Variants in HIPK3 observed in about 807,000 individuals in gnomAD.
HIPK3 encodes the protein homeodomain interacting protein kinase 3.
HIPK3 carries 47 observed loss-of-function variants against 124.2 expected under a neutral mutation model. The ratio of observed to expected loss-of-function variants is 0.38; its 90% CI spans 0.30 to 0.48. HIPK3 has a LOEUF of 0.48. HIPK3 is among the 20% of genes least tolerant of loss of function. The pLI is 0.98. For missense variants in HIPK3, 1,286 were observed against 1,454.3 expected (o/e 0.88, Z 1.88); for synonymous variants, 482 against 515.2 (o/e 0.94, Z 0.87).
chr11:33,341,084 C>T lies in HIPK3; in HGVS notation c.1730C>T (p.Thr577Ile), dbSNP rs561360873. ...CCAGTTGCTTCAAGCAGTACTGCTACACTGACTGCAAATTTTACTAAAATC... is the reference window on the plus strand; with the variant it reads ...CCAGTTGCTTCAAGCAGTACTGCTATACTGACTGCAAATTTTACTAAAATC... The part of the protein sequence containing the change: ...LRPVASSSTA[T>I]LTANFTKIGT... The change falls in exon 7 of 17, where the codon ACA becomes ATA. Residue 577 changes from threonine to isoleucine, a missense_variant. This residue lies in a region of HIPK3 where 810 missense variants were observed against 864.9 expected (regional missense o/e 0.94). Transcript: ENST00000303296. 2 of 1,602,232 alleles carry T rather than the reference C, an allele frequency of 1.2e-6. No individual in the cohort carries two copies. Among genetic ancestry groups the T allele is most frequent in the African/African-American group, 1.3e-5 (1 of 74,500 alleles).
intron 2 of HIPK3, among the ~76,000 whole-genome samples, chr11:33,316,677 G>A (rs1852512318): frequency 1.3e-5 from 2 of 152,100 alleles, no homozygotes; most frequent in African/African-American, 4.8e-5. Context: ...AAAACCATTA[G>A]CTGGGCATGG....
At chr11:33,259,078 A>C (rs143161937) in intron 1 of HIPK3, among the ~76,000 whole-genome samples, 2 of 152,234 alleles carry the variant, frequency 1.3e-5, no homozygotes, top group African/African-American at 4.8e-5. Flanking sequence ...AGATCTGCTG[A>C]CACTTTTTCC....
intron 13 of HIPK3, 37 bp downstream of exon 13, chr11:33,348,855 T>C (rs1415550794): frequency 5.7e-6 from 9 of 1,568,120 alleles, no homozygotes; most frequent in Non-Finnish European, 7.8e-6. Context: ...AGGATATAGA[T>C]GGCATCCTTT....
chr11:33,341,093 C>T lies in HIPK3; in HGVS notation c.1739C>T (p.Ala580Val). The T allele has an allele frequency of 1.9e-6, 3 of 1,595,260 alleles. No individual in the cohort carries two copies. The highest frequency in any genetic ancestry group is 1.2e-5 in the South Asian group (1 of 86,172). The change falls in exon 7 of 17, where the codon GCA becomes GTA. Residue 580 changes from alanine to valine, a missense_variant. Physicochemically the swap from Ala to Val is moderately conservative, Grantham distance 64 (BLOSUM62 0). Transcript: ENST00000303296. ...TCAAGCAGTACTGCTACACTGACTG[C>T]AAATTTTACTAAAATCGGAACATTA... ...VASSSTATLT[A>V]NFTKIGTLRS...
In HIPK3 at chr11:33,257,469, A is replaced by G. The variant is rs1411645094; in HGVS notation, c.-423A>G. ...CCCCGCCGTCGCCACCACTCCCGCC[A>G]GTCTTCCTTCTCCGCTCCCGGCCGG... On this transcript the variant is annotated 5_prime_UTR_variant, in exon 1 of 17. Transcript: ENST00000303296. The G allele has an allele frequency of 4.1e-6, 4 of 985,764 alleles. No homozygotes were observed. In the East Asian group the frequency reaches 4.6e-4, roughly 112 times the overall value. The allele number at this position is 985,764 out of a possible 1,614,324, so 61.1% of individuals were successfully genotyped here.
At chr11:33,284,858 A>T (rs770975324) in intron 1 of HIPK3, among the ~76,000 whole-genome samples, 1 of 152,194 alleles carries the variant, frequency 6.6e-6, no homozygotes, top group Non-Finnish European at 1.5e-5. Context: ...GTACACGTTT[A>T]TATATTGTTG....
intron 8 of HIPK3, among the ~76,000 whole-genome samples, chr11:33,342,804 C>T (rs1174200601): frequency 6.6e-6 from 1 of 152,082 alleles, no homozygotes; most frequent in Non-Finnish European, 1.5e-5. Flanking sequence ...CCTCGGCCTC[C>T]CAAAATGTTG....
intron 2 of HIPK3, among the ~76,000 whole-genome samples, chr11:33,304,706 C>T (rs1212506144): frequency 2.0e-5 from 3 of 152,190 alleles, no homozygotes; most frequent in Non-Finnish European, 4.4e-5. Context: ...AACCAGTCCT[C>T]AATGATACAC....
At position 33,353,531 on chromosome 11, in the gene HIPK3, T is replaced by C; in HGVS notation, c.3611T>C (p.Leu1204Pro). The C allele has an allele frequency of 6.2e-7, 1 of 1,613,516 alleles. No homozygotes were observed. The highest frequency in any genetic ancestry group is 1.7e-5 in the Admixed American group (1 of 60,016). ...TCACCTGCATATACTGGATTTCCAC[T>C]GAGTCCAACAAAACTCAGCCAGTAT... ...AASPAYTGFP[L>P]SPTKLSQYPY... The change falls in exon 17 of 17, where the codon CTG becomes CCG. Residue 1204 changes from leucine to proline, a missense_variant. Physicochemically the swap from Leu to Pro is moderately conservative, Grantham distance 98 (BLOSUM62 -3). Transcript: ENST00000303296.
intron 3 of HIPK3, among the ~76,000 whole-genome samples, chr11:33,334,662 A>T (rs1196446652): frequency 6.6e-6 from 1 of 152,130 alleles, no homozygotes; most frequent in Non-Finnish European, 1.5e-5. Context: ...AAAAAAAAAA[A>T]AATCACAAAA....
In HIPK3 at chr11:33,339,499, T is replaced by C; in HGVS notation, c.1578T>C (p.Asn526=). The C allele has an allele frequency of 1.2e-6, 2 of 1,608,426 alleles. No individual in the cohort carries two copies. Among genetic ancestry groups the C allele is most frequent in the Non-Finnish European group, 1.7e-6 (2 of 1,175,980 alleles). Residue 526 remains asparagine, a synonymous_variant, in exon 6 of 17, where the codon AAT becomes AAC. Coordinates refer to ENST00000303296, the MANE Select transcript of HIPK3 (RefSeq NM_005734.5). ...PAETLNHPFV[N]MKHLLDFPHS... ...AGACCCTGAACCATCCTTTTGTTAA[T>C]ATGAAACATCTTCTAGATTTCCCTC...
At chr11:33,327,155 TAGAA>T (rs889562440) in intron 2 of HIPK3, among the ~76,000 whole-genome samples, 37 of 152,230 alleles carry the variant, frequency 2.4e-4, no homozygotes, top group Admixed American at 2.3e-3. Context: ...AATACTTAAT[TAGAA>T]AGAGAAAAGT....
At chr11:33,320,957 T>G (rs10836051) in intron 2 of HIPK3, among the ~76,000 whole-genome samples, 84,634 of 151,926 alleles carry the variant, frequency 0.56, 25,562 homozygotes, top group Non-Finnish European at 0.68. Flanking sequence ...AGGTGCTTAT[T>G]TAAAAACATG....
upstream of HIPK3, chr11:33,256,689 G>C: frequency 1.0e-6 from 1 of 982,332 alleles, no homozygotes; most frequent in Non-Finnish European, 1.2e-6. Context: ...TAATCTCCAG[G>C]AGGAAAGAAA....
intron 1 of HIPK3, among the ~76,000 whole-genome samples, chr11:33,284,865 G>A (rs1315948032): frequency 6.6e-6 from 1 of 152,122 alleles, no homozygotes; most frequent in African/African-American, 2.4e-5. Flanking sequence ...TTTATATATT[G>A]TTGTGGCAGA....
intron 2 of HIPK3, among the ~76,000 whole-genome samples, chr11:33,297,037 A>T (rs984930383): frequency 6.6e-6 from 1 of 152,100 alleles, no homozygotes; most frequent in African/African-American, 2.4e-5. Context: ...GTGCTACTCC[A>T]GTGAGTAGTA....
chr11:33,260,173 C>CT (rs1329571283), intron 1 of HIPK3, among the ~76,000 whole-genome samples: 2 of 152,236 alleles, frequency 1.3e-5, no homozygotes, highest in African/African-American at 2.4e-5. Context: ...AGATCATACT[C>CT]TTAACTTTTT....
intron 2 of HIPK3, among the ~76,000 whole-genome samples, chr11:33,308,897 CTG>C (rs1565077418): frequency 3.3e-5 from 5 of 151,472 alleles, no homozygotes; most frequent in African/African-American, 4.9e-5. Context: ...CTGTTTCAAT[CTG>C]TGTATTTTCA....
chr11:33,290,278 GTATCACATAATTAGATTTATTAGA>G (rs1434102422), intron 2 of HIPK3, among the ~76,000 whole-genome samples: 1 of 152,012 alleles, frequency 6.6e-6, no homozygotes, highest in African/African-American at 2.4e-5. Context: ...CTCTTGCTTA[GTATCACATAATTAGATTTATTAGA>G]TATCTGTGCT....
Sources: allele counts gnomAD v4.1 joint callset (sites outside exome capture counted in the v4.1 genomes callset), GRCh38; gene constraint gnomAD v4.1.1; regional missense constraint gnomAD v4.1.1; transcripts MANE v1.5; gene names NCBI Gene and HGNC (gene_info 2026-07-23, HGNC 2026-07-21).